The following LAMA2 variants were observed in gnomAD, a reference collection of about 807,000 sequenced individuals.
The protein encoded by LAMA2 is laminin subunit alpha-2.
LAMA2 carries 269 observed loss-of-function variants against 364.8 expected under a neutral mutation model. That is an observed-to-expected ratio of 0.74 (90% CI 0.67 to 0.82). The LOEUF (loss-of-function observed/expected upper bound fraction) is 0.82. Ranked by LOEUF, LAMA2 falls within the 40% of genes least tolerant of loss-of-function variation. The probability of loss-of-function intolerance (pLI) is 0.00; values close to 1 mark genes in which losing one functional copy is unlikely to be tolerated. For missense variants in LAMA2, 3,807 were observed against 3,873.2 expected, an observed-to-expected ratio of 0.98 and a Z score of 0.45; for synonymous variants, 1,379 against 1,370.6, an observed-to-expected ratio of 1.01 and a Z score of -0.14.
chr6:129,307,812 A>G (rs1773971746), intron 22 of LAMA2, among the ~76,000 whole-genome samples: 1 of 152,244 alleles, frequency 6.6e-6, no homozygotes, highest in Admixed American at 6.5e-5. Flanking sequence ...TGTTCATTAA[A>G]TTGAAGAGCA....
At chr6:129,111,969 G>A (rs895079908) in intron 4 of LAMA2, among the ~76,000 whole-genome samples, 8 of 152,028 alleles carry the variant, frequency 5.3e-5, no homozygotes, top group African/African-American at 9.6e-5. Flanking sequence ...AATATAAAGC[G>A]TGTATGTATA....
intron 1 of LAMA2, among the ~76,000 whole-genome samples, chr6:128,894,999 A>G (rs1776673968): frequency 6.6e-6 from 1 of 152,234 alleles, no homozygotes; most frequent in Non-Finnish European, 1.5e-5. Flanking sequence ...GTTGGACTAC[A>G]GTTAAGTTCC....
At chr6:129,036,930 A>G (rs888928539) in intron 1 of LAMA2, among the ~76,000 whole-genome samples, 2 of 152,186 alleles carry the variant, frequency 1.3e-5, no homozygotes, top group Non-Finnish European at 2.9e-5. Flanking sequence ...TGGATCAAAT[A>G]CATTAACTAG....
intron 5 of LAMA2, among the ~76,000 whole-genome samples, chr6:129,146,026 A>AT (rs201841697): frequency 0.053 from 8,036 of 152,006 alleles, 677 homozygotes; most frequent in African/African-American, 0.18. Flanking sequence ...TAACAAAAAT[A>AT]TTTTCAAAGA....
chr6:129,175,539 G>A (rs1347651713), intron 9 of LAMA2, among the ~76,000 whole-genome samples: 1 of 152,108 alleles, frequency 6.6e-6, no homozygotes, highest in African/African-American at 2.4e-5. Context: ...ATTTTTATAT[G>A]ACCATAAGAG....
chr6:128,902,006 C>T (rs1777115228), intron 1 of LAMA2, among the ~76,000 whole-genome samples: 1 of 152,146 alleles, frequency 6.6e-6, no homozygotes, highest in Non-Finnish European at 1.5e-5. Flanking sequence ...AGGAAACTTA[C>T]AATCATGACA....
chr6:129,304,919 G>T (rs1230333222), intron 22 of LAMA2, among the ~76,000 whole-genome samples: 1 of 152,100 alleles, frequency 6.6e-6, no homozygotes, highest in Non-Finnish European at 1.5e-5. Flanking sequence ...TATAACATGT[G>T]CACTTGAAAA....
intron 1 of LAMA2, among the ~76,000 whole-genome samples, chr6:128,883,825 CACACACACACAT>C (rs149701729): frequency 0.095 from 13,625 of 144,140 alleles, 637 homozygotes; most frequent in African/African-American, 0.13. Flanking sequence ...CACACACACA[CACACACACACAT>C]ATATATATAT....
chr6:129,074,902 C>T (rs2114825628), intron 3 of LAMA2, among the ~76,000 whole-genome samples: 1 of 151,880 alleles, frequency 6.6e-6, no homozygotes, highest in Admixed American at 6.6e-5. Context: ...GCATATCTGC[C>T]CTGAATAATA....
intron 12 of LAMA2, among the ~76,000 whole-genome samples, chr6:129,218,419 G>A (rs1171333689): frequency 6.6e-6 from 1 of 151,940 alleles, no homozygotes; most frequent in Non-Finnish European, 1.5e-5. Flanking sequence ...AACATACTTG[G>A]GCAAATTATA....
intron 3 of LAMA2, among the ~76,000 whole-genome samples, chr6:129,082,972 AT>A (rs1364011065): frequency 1.3e-5 from 2 of 151,876 alleles, no homozygotes; most frequent in Non-Finnish European, 2.9e-5. Context: ...ATTTACAGAT[AT>A]TTTTTCTATA....
At position 129,270,643 on chromosome 6, in the gene LAMA2, G is replaced by A. The variant is rs774255539; in HGVS notation, c.2342G>A (p.Gly781Asp). ...TCTCAGAACTGTAAGGATCACACAG[G>A]TGGCCCATATTGTGATAAATGTCTT... ...GECLNCKDHTGGPYCDKCLPG... is the reference protein window; with the variant it reads ...GECLNCKDHTDGPYCDKCLPG... The change falls in exon 17 of 65, where the codon GGT (glycine) becomes GAT (aspartate). Residue 781 changes from glycine to aspartate, a missense_variant. Transcript: ENST00000421865. 2 of 1,612,904 alleles carry A rather than the reference G, an allele frequency of 1.2e-6. No homozygotes were observed. Among genetic ancestry groups the A allele is most frequent in the Non-Finnish European group, 8.5e-7 (1 of 1,179,288 alleles).
intron 35 of LAMA2, among the ~76,000 whole-genome samples, chr6:129,387,458 G>A (rs1779078450): frequency 6.6e-6 from 1 of 152,176 alleles, no homozygotes; most frequent in Non-Finnish European, 1.5e-5. Context: ...CTGTTGGTGG[G>A]AATGTAAATT....
intron 3 of LAMA2, among the ~76,000 whole-genome samples, chr6:129,084,802 C>A (rs556827701): frequency 6.7e-4 from 102 of 152,258 alleles, no homozygotes; most frequent in African/African-American, 2.4e-3. Flanking sequence ...CCAATGGCTG[C>A]AATCATTTTA....
chr6:129,374,029 T>A (rs1778233458), intron 34 of LAMA2, among the ~76,000 whole-genome samples: 1 of 152,200 alleles, frequency 6.6e-6, no homozygotes, highest in Non-Finnish European at 1.5e-5. Context: ...CAAAGATCAC[T>A]TTGATGGGTT....
At position 129,142,308 on chromosome 6, in the gene LAMA2, G is replaced by A. The variant is rs559960008; in HGVS notation, c.640-1593G>A. 1.6e-4 allele frequency among the ~76,000 whole-genome samples: 25 copies of A among 152,028 alleles called. No individual in the cohort carries two copies. In the Middle Eastern group the frequency reaches 0.01, roughly 62 times the overall value. On this transcript the variant is annotated intron_variant, in intron 4 of 64. Coordinates refer to ENST00000421865, the MANE Select transcript of LAMA2 (RefSeq NM_000426.4). ...CTGAAAATCTGAGATCAGGGTGTCCGCATGGTTATGCTTTGGTGAGGACTG... is the reference window on the plus strand; with the variant it reads ...CTGAAAATCTGAGATCAGGGTGTCCACATGGTTATGCTTTGGTGAGGACTG...
rs563636046 is a variant in LAMA2 at position 129,436,865 on chromosome 6, C to T, written c.5969-1781C>T. Reference sequence around the variant, plus strand: ...GAACTACGTATTCTTATATTTTCCTCATTATCCTTAAAAATATGGAACACT... The same window carrying T: ...GAACTACGTATTCTTATATTTTCCTTATTATCCTTAAAAATATGGAACACT... On this transcript the variant is annotated intron_variant, in intron 41 of 64. Coordinates refer to ENST00000421865, the MANE Select transcript of LAMA2 (RefSeq NM_000426.4). 4 of 152,228 alleles carry T rather than the reference C, an allele frequency of 2.6e-5. No homozygotes were observed. The East Asian group carries it at 7.7e-4, about 29-fold the overall frequency. 9.4% of individuals were successfully genotyped at this position (152,228 alleles called of 1,614,324 possible). A position where few individuals can be genotyped will look rare whatever the true frequency, so the allele number is the denominator to read the frequency against.
At chr6:129,231,311 A>C (rs112057470) in intron 12 of LAMA2, among the ~76,000 whole-genome samples, 5 of 152,218 alleles carry the variant, frequency 3.3e-5, no homozygotes, top group African/African-American at 1.2e-4. Context: ...AATCGTTTAA[A>C]TAGTTGCCTT....
intron 41 of LAMA2, among the ~76,000 whole-genome samples, chr6:129,429,669 T>C (rs1583727399): frequency 1.3e-5 from 2 of 152,332 alleles, no homozygotes; most frequent in Admixed American, 1.3e-4. Context: ...GTGTTCCTAT[T>C]GGACAAATGG....
Sources: allele counts gnomAD v4.1 joint callset (sites outside exome capture counted in the v4.1 genomes callset), GRCh38; gene constraint gnomAD v4.1.1; transcripts MANE v1.5; gene names NCBI Gene and HGNC (gene_info 2026-07-23, HGNC 2026-07-21).